DENND5B: variants seen among roughly 807,000 people sequenced by gnomAD.
The protein encoded by DENND5B is DENN domain-containing protein 5B.
In DENND5B, 34 loss-of-function variants were observed where a neutral mutation model predicts 140.6. That is an observed-to-expected ratio of 0.24 (90% confidence interval 0.18 to 0.32). DENND5B has a LOEUF of 0.32. DENND5B is among the 10% of genes least tolerant of loss of function. The pLI, the probability that DENND5B is intolerant of heterozygous loss-of-function variation, is 1.00. For synonymous variants in DENND5B, 551 were observed against 562.1 expected (o/e 0.98, Z 0.28); for missense variants, 1,142 against 1,560.2 (o/e 0.73, Z 4.52).
At chr12:31,585,761 T>C (rs905063883) in intron 1 of DENND5B, among the ~76,000 whole-genome samples, 2 of 152,246 alleles carry the variant, frequency 1.3e-5, no homozygotes, top group African/African-American at 4.8e-5. Flanking sequence ...CTCCACCGTC[T>C]CTACGCTCTT....
chr12:31,522,588 G>A (rs1947937915), intron 1 of DENND5B, among the ~76,000 whole-genome samples: 3 of 152,082 alleles, frequency 2.0e-5, no homozygotes, highest in Non-Finnish European at 4.4e-5. Flanking sequence ...GGGACTACAG[G>A]CACACACCAT....
intron 1 of DENND5B, among the ~76,000 whole-genome samples, chr12:31,526,752 G>A (rs575391904): frequency 1.2e-4 from 18 of 152,304 alleles, no homozygotes; most frequent in African/African-American, 3.9e-4. Flanking sequence ...TAATTTCTTA[G>A]TTTTGATGAA....
intron 1 of DENND5B, among the ~76,000 whole-genome samples, chr12:31,526,792 T>G (rs1483969393): frequency 1.3e-5 from 2 of 152,200 alleles, no homozygotes; most frequent in Non-Finnish European, 2.9e-5. Flanking sequence ...ACGTTAACAT[T>G]TGGAGAAACT....
At chr12:31,467,706 A>C (rs1321712204) in intron 3 of DENND5B, among the ~76,000 whole-genome samples, 1 of 152,238 alleles carries the variant, frequency 6.6e-6, no homozygotes, top group Non-Finnish European at 1.5e-5. Context: ...AGGGATTATT[A>C]AAACTGAACA....
chr12:31,509,832 T>C (rs899026044), intron 1 of DENND5B, among the ~76,000 whole-genome samples: 13 of 152,140 alleles, frequency 8.5e-5, no homozygotes, highest in African/African-American at 1.2e-4. Context: ...TTGGCCCTCA[T>C]TGAGGTGATG....
At chr12:31,570,842 T>C (rs563576695) in intron 1 of DENND5B, among the ~76,000 whole-genome samples, 1 of 152,148 alleles carries the variant, frequency 6.6e-6, no homozygotes, top group African/African-American at 2.4e-5. Flanking sequence ...GGTCTAAACA[T>C]TTGAAACTCA....
At chr12:31,583,024 T>G (rs914170507) in intron 1 of DENND5B, among the ~76,000 whole-genome samples, 1 of 152,216 alleles carries the variant, frequency 6.6e-6, no homozygotes, top group Non-Finnish European at 1.5e-5. Flanking sequence ...CCAGGCGTGG[T>G]GGCTCACGCC....
At chr12:31,546,746 C>G (rs947488270) in intron 1 of DENND5B, among the ~76,000 whole-genome samples, 1 of 152,036 alleles carries the variant, frequency 6.6e-6, no homozygotes, top group Non-Finnish European at 1.5e-5. Flanking sequence ...CATTATAACC[C>G]CACATCTAAA....
At chr12:31,505,263 G>C (rs1439380100) in intron 1 of DENND5B, among the ~76,000 whole-genome samples, 3 of 138,372 alleles carry the variant, frequency 2.2e-5, no homozygotes, top group Non-Finnish European at 3.1e-5. Flanking sequence ...TTTTGAGACA[G>C]AGTCTTACTC....
intron 1 of DENND5B, among the ~76,000 whole-genome samples, chr12:31,544,833 C>T (rs1247023546): frequency 6.6e-6 from 1 of 151,724 alleles, no homozygotes; most frequent in Admixed American, 6.6e-5. Context: ...TATTCTTTCC[C>T]CCAAAGAATG....
At position 31,525,637 on chromosome 12, in the gene DENND5B, T is replaced by C. The variant is rs558207972; in HGVS notation, c.128-29718A>G. Among the ~76,000 whole-genome samples the C allele has an allele frequency of 3.0e-4, 45 of 152,284 alleles. No individual in the cohort carries two copies. In the South Asian group the frequency reaches 3.5e-3, roughly 12 times the overall value. On this transcript the variant is annotated intron_variant, in intron 1 of 20. Coordinates refer to ENST00000389082, the MANE Select transcript of DENND5B (RefSeq NM_144973.4). ...AATATATGCATAGCAATTGAATTGT[T>C]TGCTTTAAATGGTGCATTTGATATG...
chr12:31,564,953 A>C (rs1376524775), intron 1 of DENND5B, among the ~76,000 whole-genome samples: 1 of 152,068 alleles, frequency 6.6e-6, no homozygotes, highest in Admixed American at 6.6e-5. Context: ...TGGCATCAAA[A>C]TCCTGCACAC....
chr12:31,393,137 C>T (rs761314420), intron 17 of DENND5B, among the ~76,000 whole-genome samples: 22 of 152,176 alleles, frequency 1.4e-4, no homozygotes, highest in Non-Finnish European at 2.5e-4. Context: ...TTCCCTTATG[C>T]TACCCACCTA....
intron 8 of DENND5B, among the ~76,000 whole-genome samples, chr12:31,429,718 T>C (rs1199916677): frequency 6.6e-6 from 1 of 151,960 alleles, no homozygotes; most frequent in African/African-American, 2.4e-5. Flanking sequence ...CTGGTTTTTT[T>C]TGTTTTAAAA....
chr12:31,454,819 T>TC (rs1048385232), intron 4 of DENND5B, among the ~76,000 whole-genome samples: 3 of 89,048 alleles, frequency 3.4e-5, no homozygotes, highest in African/African-American at 9.5e-5. Context: ...TATCTTTTTT[T>TC]TTTTTTTTTT....
intron 11 of DENND5B, among the ~76,000 whole-genome samples, chr12:31,422,564 G>A (rs1363990655): frequency 6.6e-6 from 1 of 152,172 alleles, no homozygotes; most frequent in Non-Finnish European, 1.5e-5. Flanking sequence ...TCGTACCACT[G>A]TACTCCAACC....
At chr12:31,402,238 G>A (rs529818711) in intron 15 of DENND5B, among the ~76,000 whole-genome samples, 3 of 148,154 alleles carry the variant, frequency 2.0e-5, no homozygotes, top group East Asian at 3.9e-4. Flanking sequence ...GCTAGACCCT[G>A]AAAATAGTAG....
chr12:31,411,712 T>C (rs1942471538), intron 13 of DENND5B, among the ~76,000 whole-genome samples: 1 of 152,166 alleles, frequency 6.6e-6, no homozygotes, highest in African/African-American at 2.4e-5. Flanking sequence ...TCACAGGCTA[T>C]ATGCAACACT....
At chr12:31,409,850 G>T (rs1565551918) in intron 13 of DENND5B, among the ~76,000 whole-genome samples, 1 of 151,836 alleles carries the variant, frequency 6.6e-6, no homozygotes, top group Non-Finnish European at 1.5e-5. Flanking sequence ...TGCCCAGGCT[G>T]GTCTTGAACT....
Sources: allele counts gnomAD v4.1 joint callset (sites outside exome capture counted in the v4.1 genomes callset), GRCh38; gene constraint gnomAD v4.1.1; transcripts MANE v1.5; gene names NCBI Gene and HGNC (gene_info 2026-07-23, HGNC 2026-07-21).